The following MRPL54 variants were observed in gnomAD, a reference collection of about 807,000 sequenced individuals.
The protein encoded by MRPL54 is large ribosomal subunit protein mL54.
Under a neutral mutation model 15.6 loss-of-function variants are expected in MRPL54, and 12 were observed. The observed-to-expected ratio is 0.77, with a 90% CI of 0.49 to 1.24. The LOEUF (loss-of-function observed/expected upper bound fraction) is 1.24, where lower values mean the gene tolerates loss of function less well. Among genes scored for constraint, MRPL54 ranks in the 50% most tolerant of loss-of-function variants. The probability of loss-of-function intolerance (pLI) is 0.00; values close to 1 mark genes in which losing one functional copy is unlikely to be tolerated. For missense variants in MRPL54, 178 were observed against 186.8 expected, an observed-to-expected ratio of 0.95 and a Z score of 0.28; for synonymous variants, 91 against 75.7, an observed-to-expected ratio of 1.20 and a Z score of -1.05.
chr19:3,762,945 G>T (rs192373933), intron 1 of MRPL54, 127 bp downstream of exon 1: 13 of 779,486 alleles, frequency 1.7e-5, no homozygotes, highest in Middle Eastern at 2.5e-4. Flanking sequence ...ATGCCAGGCT[G>T]TATGCGCAGG....
intron 1 of MRPL54, 102 bp downstream of exon 1, chr19:3,762,920 A>T: frequency 1.0e-6 from 1 of 996,212 alleles, no homozygotes; most frequent in Non-Finnish European, 1.4e-6. Context: ...CTGATGCGCA[A>T]GCGCAGAGAG....
chr19:3,764,606 T>C (rs939014425), intron 1 of MRPL54, among the ~76,000 whole-genome samples: 5 of 149,664 alleles, frequency 3.3e-5, no homozygotes, highest in Non-Finnish European at 7.4e-5. Context: ...TAGAGACAAG[T>C]TTTCACCATG....
At chr19:3,767,143 G>T in intron 2 of MRPL54, 118 bp from the exon 3 acceptor site, 6 of 1,345,962 alleles carry the variant, frequency 4.5e-6, no homozygotes, top group Non-Finnish European at 6.0e-6. Flanking sequence ...CTGAGATCAT[G>T]CAGCCAACCA....
At chr19:3,762,882 G>C (rs1420611328) in intron 1 of MRPL54, 64 bp downstream of exon 1, 2 of 1,314,760 alleles carry the variant, frequency 1.5e-6, no homozygotes, top group African/African-American at 1.5e-5. Context: ...ACAGTGCGCA[G>C]GCGGTGGTTG....
Position 3,765,223 on chromosome 19 carries a change from C to T in MRPL54, c.176C>T (p.Pro59Leu), listed in dbSNP as rs375467537. 6.2e-6 allele frequency: 10 copies of T among 1,613,672 alleles called. No homozygotes were observed. In the African/African-American group the frequency reaches 1.2e-4, roughly 19 times the overall value. Reference sequence around the variant, plus strand: ...GTGACCAGCGAGGCCCTCAAGGACCCCGACGTATGCACAGATCCTGTCCAG... The same window carrying T: ...GTGACCAGCGAGGCCCTCAAGGACCTCGACGTATGCACAGATCCTGTCCAG... ...GAVTSEALKD[P>L]DVCTDPVQLT... is the part of the protein sequence containing the mutation. Residue 59 changes from proline (P) to leucine (L), a missense_variant, in exon 2 of 3, where the codon CCC becomes CTC. Physicochemically the swap from Pro to Leu is moderately conservative, Grantham distance 98. Transcript: ENST00000330133.
intron 2 of MRPL54, among the ~76,000 whole-genome samples, 190 bp from the exon 3 acceptor site, chr19:3,767,071 G>A (rs1298206044): frequency 1.3e-5 from 2 of 152,174 alleles, no homozygotes; most frequent in Non-Finnish European, 2.9e-5. Flanking sequence ...CACTGGGATG[G>A]GGTTGGCTCC....
chr19:3,763,948 C>A (rs1032894660), intron 1 of MRPL54, among the ~76,000 whole-genome samples: 1 of 150,846 alleles, frequency 6.6e-6, no homozygotes, highest in East Asian at 2.0e-4. Flanking sequence ...TAAAAATAAG[C>A]GGGGCATGGT....
intron 1 of MRPL54, 37 bp downstream of exon 1, chr19:3,762,855 G>T: frequency 6.9e-7 from 1 of 1,457,812 alleles, no homozygotes. Flanking sequence ...GGGGACGGTG[G>T]GTGCACTGAG....
chr19:3,765,025 T>TC, intron 1 of MRPL54, 141 bp from the exon 2 acceptor site: 1 of 787,160 alleles, frequency 1.3e-6, no homozygotes, highest in Non-Finnish European at 1.9e-6. Flanking sequence ...AGACTCCGTC[T>TC]CAAAAAAAAA....
At position 3,765,323 on chromosome 19, in the gene MRPL54, C is replaced by T; in HGVS notation, c.276C>T (p.Tyr92=). 3 of 1,613,524 alleles carry T rather than the reference C, an allele frequency of 1.9e-6. No homozygotes were observed. The highest frequency in any genetic ancestry group is 2.5e-6 in the Non-Finnish European group (3 of 1,179,740). ...QDVPLKPDAE[Y]PEWLFEMNLG... ...TACCCCTGAAACCGGATGCTGAGTA[C>T]CCTGAATGGTGAGTAGGCCAGGCTG... is the stretch of plus-strand genomic sequence containing the variant. Residue 92 remains tyrosine (Y), a synonymous_variant, in exon 2 of 3, where the codon TAC becomes TAT. Coordinates refer to ENST00000330133, the MANE Select transcript of MRPL54 (RefSeq NM_172251.3).
chr19:3,762,829 T>A lies in MRPL54; in HGVS notation c.118+11T>A. 6.4e-7 allele frequency: 1 copy of A among 1,551,204 alleles called. No individual in the cohort carries two copies. The highest frequency in any genetic ancestry group is 1.2e-5 in the South Asian group (1 of 85,708). The stretch of plus-strand genomic sequence containing the variant: ...ATGCCAAGAAACCAGGTGAGCTGGG[T>A]TAAGAGGAACCAAATGGGGACGGTG... On this transcript the variant is annotated intron_variant, in intron 1 of 2. Transcript: ENST00000330133.
At chr19:3,764,668 G>A (rs1043845745) in intron 1 of MRPL54, among the ~76,000 whole-genome samples, 27 of 150,922 alleles carry the variant, frequency 1.8e-4, no homozygotes, top group South Asian at 4.2e-4. Context: ...TTCCCACCTC[G>A]GCCTCCCAGA....
Position 3,765,177 on chromosome 19 carries a change from G to C in MRPL54, c.130G>C (p.Ala44Pro). 6.2e-7 allele frequency: 1 copy of C among 1,611,678 alleles called. No homozygotes were observed. The highest frequency in any genetic ancestry group is 8.5e-7 in the Non-Finnish European group (1 of 1,178,984). ...DYAKKPVMKG[A>P]KSGKGAVTSE... ...TCTCGTCTCCCCAGTTATGAAGGGG[G>C]CCAAATCGGGAAAAGGTGCAGTGAC... Residue 44 changes from alanine (A) to proline (P), a missense_variant, in exon 2 of 3, where the codon GCC (alanine) becomes CCC (proline). Coordinates refer to ENST00000330133, the MANE Select transcript of MRPL54 (RefSeq NM_172251.3).
chr19:3,763,744 T>G (rs1307214950), intron 1 of MRPL54, among the ~76,000 whole-genome samples: 1 of 151,940 alleles, frequency 6.6e-6, no homozygotes, highest in African/African-American at 2.4e-5. Flanking sequence ...AAACCCTAGC[T>G]CTACTAAAAA....
At position 3,765,320 on chromosome 19, in the gene MRPL54, G is replaced by A; in HGVS notation, c.273G>A (p.Glu91=). The A allele has an allele frequency of 6.2e-7, 1 of 1,613,760 alleles. No individual in the cohort carries two copies. The highest frequency in any genetic ancestry group is 8.5e-7 in the Non-Finnish European group (1 of 1,179,834). The change falls in exon 2 of 3, where the codon GAG becomes GAA. Residue 91 remains glutamate (E), a synonymous_variant. Transcript: ENST00000330133. ...ATGTACCCCTGAAACCGGATGCTGA[G>A]TACCCTGAATGGTGAGTAGGCCAGG... ...GQDVPLKPDA[E]YPEWLFEMNL...
rs777202419 is a variant in MRPL54 at position 3,767,359 on chromosome 19, G to T, written c.383G>T (p.Arg128Leu). 6 of 1,610,564 alleles carry T rather than the reference G, an allele frequency of 3.7e-6. No homozygotes were observed. The East Asian group carries it at 9.0e-5, about 24-fold the overall frequency. ...WRRLRKQNIW[R>L]HNRLSKNKRL is the part of the protein sequence containing the mutation. ...CGGCTGCGGAAACAGAACATCTGGC[G>T]CCACAACCGGCTGAGCAAGAACAAG... Residue 128 changes from arginine (R) to leucine (L), a missense_variant, in exon 3 of 3, where the codon CGC becomes CTC. By Grantham distance (102) the Arg-to-Leu change is moderately radical. Coordinates refer to ENST00000330133, the MANE Select transcript of MRPL54 (RefSeq NM_172251.3).
At position 3,765,312 on chromosome 19, in the gene MRPL54, G is replaced by T. The variant is rs781654206; in HGVS notation, c.265G>T (p.Asp89Tyr). The change falls in exon 2 of 3, where the codon GAT becomes TAT. Residue 89 changes from aspartate (D) to tyrosine (Y), a missense_variant. Transcript: ENST00000330133. ...KEGQDVPLKPDAEYPEWLFEM... is the reference protein window; with the variant it reads ...KEGQDVPLKPYAEYPEWLFEM... ...AGGGCAGGATGTACCCCTGAAACCG[G>T]ATGCTGAGTACCCTGAATGGTGAGT... The T allele has an allele frequency of 1.2e-6, 2 of 1,613,844 alleles. No individual in the cohort carries two copies. Among genetic ancestry groups the T allele is most frequent in the Non-Finnish European group, 8.5e-7 (1 of 1,179,884 alleles).
chr19:3,764,952 C>A (rs369757320), intron 1 of MRPL54, among the ~76,000 whole-genome samples: 1 of 150,998 alleles, frequency 6.6e-6, no homozygotes, highest in Non-Finnish European at 1.5e-5. Flanking sequence ...GGCTTGAACC[C>A]GGGAGGCGGA....
rs1258568831 is a variant in MRPL54, at chr19:3,767,304, C to A, written c.328C>A (p.Leu110Met). Residue 110 changes from leucine (L) to methionine (M), a missense_variant, in exon 3 of 3, where the codon CTG becomes ATG. Coordinates refer to ENST00000330133, the MANE Select transcript of MRPL54 (RefSeq NM_172251.3). ...NLGPPKTLEE[L>M]DPESREYWRR... The stretch of plus-strand genomic sequence containing the variant: ...GGGTCCCCCAAAGACCCTGGAGGAG[C>A]TGGACCCCGAGAGCCGGGAGTACTG... 1 of 1,612,404 alleles carries A rather than the reference C, an allele frequency of 6.2e-7. No individual in the cohort carries two copies. The highest frequency in any genetic ancestry group is 1.7e-4 in the Middle Eastern group (1 of 6,050).
Sources: gnomAD v4.1 joint callset for allele counts (sites outside exome capture counted in the v4.1 genomes callset) on GRCh38, gnomAD v4.1.1 for gene constraint, MANE v1.5 for transcripts, NCBI Gene and HGNC (gene_info 2026-07-23, HGNC 2026-07-21) for gene names.